The following KCNAB1 variants were observed in gnomAD, a reference collection of about 807,000 sequenced individuals.
KCNAB1 encodes the protein potassium voltage-gated channel subfamily A regulatory beta subunit 1.
KCNAB1 carries 35 observed loss-of-function variants against 64.6 expected under a neutral mutation model. The ratio of observed to expected loss-of-function variants is 0.54; its 90% CI spans 0.41 to 0.72. The LOEUF is 0.72. KCNAB1 is among the 30% of genes least tolerant of loss of function. KCNAB1 has a pLI of 0.00. For missense variants in KCNAB1, 401 were observed against 512.9 expected (o/e 0.78, Z 2.11); for synonymous variants, 177 against 183.8 (o/e 0.96, Z 0.30).
chr3:156,188,642 T>C (rs1713360537), intron 1 of KCNAB1, among the ~76,000 whole-genome samples: 1 of 152,260 alleles, frequency 6.6e-6, no homozygotes, highest in Non-Finnish European at 1.5e-5. Context: ...AATTTCAATA[T>C]ACATTAAAAA....
intron 13 of KCNAB1, 162 bp from the exon 14 acceptor site, chr3:156,536,496 A>G: frequency 1.6e-6 from 1 of 616,890 alleles, no homozygotes; most frequent in Non-Finnish European, 2.9e-6. Context: ...CCCTGACCTC[A>G]AGGAGCTTAC....
chr3:156,122,871 T>G (rs1269586133), intron 1 of KCNAB1, among the ~76,000 whole-genome samples: 3 of 152,170 alleles, frequency 2.0e-5, no homozygotes, highest in Non-Finnish European at 2.9e-5. Flanking sequence ...ACTAAGGCAG[T>G]TTTTCTCATC....
At chr3:156,273,091 A>G (rs2108494147) in intron 1 of KCNAB1, among the ~76,000 whole-genome samples, 1 of 151,950 alleles carries the variant, frequency 6.6e-6, no homozygotes, top group Non-Finnish European at 1.5e-5. Context: ...GTTTTAAAAC[A>G]AAGTTCTCTT....
intron 1 of KCNAB1, among the ~76,000 whole-genome samples, chr3:156,183,175 C>T (rs1447780806): frequency 2.6e-5 from 4 of 151,728 alleles, no homozygotes; most frequent in African/African-American, 4.8e-5. Flanking sequence ...GGAGCGCCCA[C>T]GACAAGGGGT....
At chr3:156,291,300 G>A in intron 1 of KCNAB1, 4 of 989,282 alleles carry the variant, frequency 4.0e-6, no homozygotes, top group Non-Finnish European at 4.8e-6. Context: ...ACGTCCTCCC[G>A]GAGCGGAGGC....
At chr3:156,473,170 G>A (rs1714061181) in intron 7 of KCNAB1, among the ~76,000 whole-genome samples, 1 of 152,092 alleles carries the variant, frequency 6.6e-6, no homozygotes, top group Non-Finnish European at 1.5e-5. Context: ...CGAACACCAT[G>A]GTATAATTTC....
At chr3:156,371,523 A>G (rs1726308266) in intron 1 of KCNAB1, among the ~76,000 whole-genome samples, 1 of 152,064 alleles carries the variant, frequency 6.6e-6, no homozygotes, top group Non-Finnish European at 1.5e-5. Context: ...TCACTTCCTG[A>G]GACATGATTC....
chr3:156,156,564 T>G (rs1278427830), intron 1 of KCNAB1, among the ~76,000 whole-genome samples: 1 of 152,102 alleles, frequency 6.6e-6, no homozygotes, highest in Admixed American at 6.6e-5. Context: ...ATCAGGAGGA[T>G]TTGAAAAATA....
At chr3:156,259,257 G>T (rs1718290275) in intron 1 of KCNAB1, among the ~76,000 whole-genome samples, 1 of 152,094 alleles carries the variant, frequency 6.6e-6, no homozygotes, top group Non-Finnish European at 1.5e-5. Flanking sequence ...CCCCTTAAGG[G>T]GTCCTGACTC....
At chr3:156,192,941 A>G (rs918271452) in intron 1 of KCNAB1, among the ~76,000 whole-genome samples, 4 of 152,024 alleles carry the variant, frequency 2.6e-5, no homozygotes, top group Non-Finnish European at 5.9e-5. Flanking sequence ...CAATTTGACA[A>G]TCTCCATACT....
intron 7 of KCNAB1, among the ~76,000 whole-genome samples, chr3:156,469,392 G>A (rs1380702358): frequency 6.6e-6 from 1 of 151,658 alleles, no homozygotes; most frequent in Non-Finnish European, 1.5e-5. Context: ...AGGTAGCTGG[G>A]ACTACAGTCA....
intron 1 of KCNAB1, among the ~76,000 whole-genome samples, chr3:156,407,428 G>A (rs1257459025): frequency 6.6e-6 from 1 of 152,114 alleles, no homozygotes. Flanking sequence ...AGTTATTTCT[G>A]TGTTTACTTG....
chr3:156,324,169 GA>G (rs771433923), intron 1 of KCNAB1, among the ~76,000 whole-genome samples: 4 of 151,994 alleles, frequency 2.6e-5, no homozygotes, highest in Non-Finnish European at 4.4e-5. Flanking sequence ...TAGAAAAATT[GA>G]AACCATAATC....
At chr3:156,470,061 G>A (rs566629495) in intron 7 of KCNAB1, among the ~76,000 whole-genome samples, 1 of 152,316 alleles carries the variant, frequency 6.6e-6, no homozygotes, top group East Asian at 1.9e-4. Context: ...GGTGACCTTA[G>A]CCACCTGAGT....
intron 1 of KCNAB1, among the ~76,000 whole-genome samples, chr3:156,266,618 C>T (rs1718731868): frequency 6.6e-6 from 1 of 152,202 alleles, no homozygotes; most frequent in Non-Finnish European, 1.5e-5. Context: ...TTAGAATTCA[C>T]AAAGTCACTA....
intron 1 of KCNAB1, among the ~76,000 whole-genome samples, chr3:156,349,813 C>T (rs1576758273): frequency 1.3e-5 from 2 of 152,314 alleles, no homozygotes; most frequent in African/African-American, 2.4e-5. Flanking sequence ...AATCCACCTG[C>T]GTCAGCCTCC....
chr3:156,450,754 A>G (rs1711930033), intron 2 of KCNAB1, among the ~76,000 whole-genome samples: 1 of 151,686 alleles, frequency 6.6e-6, no homozygotes, highest in African/African-American at 2.4e-5. Flanking sequence ...ATTTTCCAAC[A>G]CCCATCTTTT....
At chr3:156,193,126 ATGATTTTTTCCTTTTTTAGTTTATTAG>A (rs1367035582) in intron 1 of KCNAB1, among the ~76,000 whole-genome samples, 4 of 151,684 alleles carry the variant, frequency 2.6e-5, no homozygotes, top group Non-Finnish European at 5.9e-5. Context: ...TTATATTTTA[ATGATTTTTTCCTTTTTTAGTTTATTAG>A]TTATAACTCT....
At chr3:156,328,376 A>G (rs944801257) in intron 1 of KCNAB1, among the ~76,000 whole-genome samples, 6 of 152,166 alleles carry the variant, frequency 3.9e-5, no homozygotes, top group Non-Finnish European at 7.4e-5. Flanking sequence ...TGGGAAAACT[A>G]CAATGAGATA....
Sources: gnomAD v4.1 joint callset for allele counts (sites outside exome capture counted in the v4.1 genomes callset) on GRCh38, gnomAD v4.1.1 for gene constraint, MANE v1.5 for transcripts, NCBI Gene and HGNC (gene_info 2026-07-23, HGNC 2026-07-21) for gene names.